CTCFL: variants seen among roughly 807,000 people sequenced by gnomAD.
The protein encoded by CTCFL is transcriptional repressor CTCFL.
A neutral mutation model predicts 67.4 loss-of-function variants in CTCFL; 36 were observed. The ratio of observed to expected loss-of-function variants is 0.53; its 90% CI spans 0.41 to 0.71. The LOEUF (loss-of-function observed/expected upper bound fraction) is 0.71. CTCFL is among the 30% of genes least tolerant of loss of function. The pLI is 0.00. For missense variants in CTCFL, 786 were observed against 835.2 expected (o/e 0.94, Z 0.73); for synonymous variants, 324 against 302.3 (o/e 1.07, Z -0.75).
At chr20:57,519,485 T>C (rs1413100156) in intron 3 of CTCFL, 108 bp from the exon 4 acceptor site, 21 of 890,756 alleles carry the variant, frequency 2.4e-5, no homozygotes, top group Non-Finnish European at 3.4e-5. Flanking sequence ...AACTGAACAA[T>C]AGCACATGCT....
rs369644953 is a variant in CTCFL, at chr20:57,524,089, T to C, written c.117A>G (p.Lys39=). 1.2e-6 allele frequency: 2 copies of C among 1,613,672 alleles called. No individual in the cohort carries two copies. Among genetic ancestry groups the C allele is most frequent in the African/African-American group, 1.3e-5 (1 of 74,928 alleles). The change falls in exon 2 of 11, where the codon AAA becomes AAG. Residue 39 remains lysine (K), a synonymous_variant. Transcript: ENST00000243914. ...CCAACTCACTAGGGCTCCGATGGTCTTTCTCTCTGCACACTCCGTCTTTTT... is the reference window on the plus strand; with the variant it reads ...CCAACTCACTAGGGCTCCGATGGTCCTTCTCTCTGCACACTCCGTCTTTTT... ...EEEKDGVCRE[K]DHRSPSELEA...
intron 9 of CTCFL, chr20:57,507,691 C>T (rs998422356): frequency 2.7e-5 from 19 of 702,858 alleles, no homozygotes; most frequent in East Asian, 1.1e-4. Context: ...GTCCAGCCTT[C>T]GGATGATGCA....
intron 5 of CTCFL, among the ~76,000 whole-genome samples, chr20:57,517,574 G>A (rs1161005345): frequency 1.3e-5 from 2 of 151,976 alleles, no homozygotes; most frequent in South Asian, 2.1e-4. Flanking sequence ...CACCGCGCCC[G>A]GCCAATTCAA....
chr20:57,506,292 A>G (rs1311756609), intron 9 of CTCFL, among the ~76,000 whole-genome samples: 1 of 151,754 alleles, frequency 6.6e-6, no homozygotes, highest in African/African-American at 2.4e-5. Context: ...GTCTATTTAG[A>G]TACTTTAACT....
At chr20:57,511,094 T>G (rs1203243229) in intron 8 of CTCFL, among the ~76,000 whole-genome samples, 1 of 152,188 alleles carries the variant, frequency 6.6e-6, no homozygotes, top group African/African-American at 2.4e-5. Flanking sequence ...CGTGCTGGAG[T>G]GCAGTGGTAT....
chr20:57,519,454 C>T (rs779094696), intron 3 of CTCFL, 77 bp from the exon 4 acceptor site: 160 of 1,329,708 alleles, frequency 1.2e-4, no homozygotes, highest in Non-Finnish European at 1.5e-4. Context: ...ATCAGCACAT[C>T]GTCCTTTCAA....
chr20:57,523,536 T>G (rs2069560039), intron 2 of CTCFL, 127 bp downstream of exon 2: 1 of 1,320,612 alleles, frequency 7.6e-7, no homozygotes, highest in Non-Finnish European at 1.0e-6. Context: ...AAGATTTTCC[T>G]GGGAAGTATT....
At chr20:57,519,560 T>C (rs1344279391) in intron 3 of CTCFL, among the ~76,000 whole-genome samples, 183 bp from the exon 4 acceptor site, 2 of 152,182 alleles carry the variant, frequency 1.3e-5, no homozygotes, top group Non-Finnish European at 2.9e-5. Flanking sequence ...GAACAATGCA[T>C]TTTCGCTGTT....
chr20:57,512,723 T>C lies in CTCFL; in HGVS notation c.1360A>G (p.Ser454Gly). ...TAGCGGCATTTCAGCTCTGCAGCGCTGTAAGCATGCAAGTTGCGCATATGC... is the reference window on the plus strand; with the variant it reads ...TAGCGGCATTTCAGCTCTGCAGCGCCGTAAGCATGCAAGTTGCGCATATGC... ...RVHMRNLHAYSAAELKCRYCS... is the reference protein window; with the variant it reads ...RVHMRNLHAYGAAELKCRYCS... The change falls in exon 8 of 11, where the codon AGC becomes GGC. Residue 454 changes from serine (S) to glycine (G), a missense_variant. By Grantham distance (56) the Ser-to-Gly change is moderately conservative. Transcript: ENST00000243914. 2 of 1,614,248 alleles carry C rather than the reference T, an allele frequency of 1.2e-6. No homozygotes were observed. The highest frequency in any genetic ancestry group is 1.7e-6 in the Non-Finnish European group (2 of 1,180,032).
At chr20:57,507,655 T>A in intron 9 of CTCFL, 1 of 703,002 alleles carries the variant, frequency 1.4e-6, no homozygotes, top group Non-Finnish European at 2.6e-6. Flanking sequence ...GGCGGAGCTG[T>A]CCTGGAAGTG....
intron 5 of CTCFL, among the ~76,000 whole-genome samples, chr20:57,516,170 T>TA (rs2068905564): frequency 7.7e-6 from 1 of 130,398 alleles, no homozygotes; most frequent in Non-Finnish European, 1.8e-5. Context: ...GCTCAATAGT[T>TA]ACAAAATTTA....
At chr20:57,503,872 C>T (rs958192655) in intron 9 of CTCFL, among the ~76,000 whole-genome samples, 8 of 150,908 alleles carry the variant, frequency 5.3e-5, no homozygotes, top group African/African-American at 9.8e-5. Flanking sequence ...GCTTTAGCCC[C>T]GGAGGTCGAG....
At chr20:57,513,149 G>A in intron 7 of CTCFL, 2 of 644,248 alleles carry the variant, frequency 3.1e-6, no homozygotes, top group Non-Finnish European at 1.9e-6. Flanking sequence ...ATTGAACAAA[G>A]CACTTTGAGA....
chr20:57,501,100 T>G (rs1036939750), intron 10 of CTCFL, among the ~76,000 whole-genome samples: 7 of 152,192 alleles, frequency 4.6e-5, no homozygotes, highest in African/African-American at 1.7e-4. Flanking sequence ...GTGCTTACTA[T>G]TCACTCGTTT....
Position 57,524,205 on chromosome 20 carries a change from TAATG to T in CTCFL, c.-4_-1del, listed in dbSNP as rs762526108. On this transcript the variant is annotated 5_prime_UTR_variant, in exon 2 of 11. Transcript: ENST00000243914. Reference sequence around the variant, plus strand: ...AGGACAGAGATCTCAGTGGCTGCCATAATGACTTGGCCTGTTTGAAAAATAAGCA... The same window carrying T: ...AGGACAGAGATCTCAGTGGCTGCCATACTTGGCCTGTTTGAAAAATAAGCA... The T allele has an allele frequency of 6.2e-7, 1 of 1,611,426 alleles. No homozygotes were observed. The highest frequency in any genetic ancestry group is 1.1e-5 in the South Asian group (1 of 90,934).
In CTCFL at chr20:57,508,704, T is replaced by C; in HGVS notation, c.1576A>G (p.Lys526Glu). ...CLSCNKCFRQ[K>E]QLLNAHFRKY... is the part of the protein sequence containing the mutation. Reference sequence around the variant, plus strand: ...CTGAAGTGAGCGTTTAGAAGTTGCTTCTGTCGGAAACATTTATTGCAAGAA... The same window carrying C: ...CTGAAGTGAGCGTTTAGAAGTTGCTCCTGTCGGAAACATTTATTGCAAGAA... Residue 526 changes from lysine (K) to glutamate (E), a missense_variant, in exon 9 of 11, where the codon AAG becomes GAG. Lys to Glu is a moderately conservative substitution (Grantham distance 56). Transcript: ENST00000243914. The C allele has an allele frequency of 6.2e-7, 1 of 1,614,186 alleles. No individual in the cohort carries two copies. The highest frequency in any genetic ancestry group is 8.5e-7 in the Non-Finnish European group (1 of 1,180,026).
Position 57,515,763 on chromosome 20 carries a change from A to G in CTCFL, c.1131T>C (p.Tyr377=), listed in dbSNP as rs1372160538. 6.2e-7 allele frequency: 1 copy of G among 1,614,204 alleles called. No homozygotes were observed. Among genetic ancestry groups the G allele is most frequent in the South Asian group, 1.1e-5 (1 of 91,078 alleles). Residue 377 remains tyrosine (Y), a synonymous_variant, in exon 6 of 11, where the codon TAT becomes TAC. Coordinates refer to ENST00000243914, the MANE Select transcript of CTCFL (RefSeq NM_001386993.1). ...ERPFQCCQCS[Y]ASRDTYKLKR... ...TCAGCTTGTAGGTATCTCTGCTGGC[A>G]TAGCTGCACTGGCAACACTGAAAGG...
Position 57,509,284 on chromosome 20 carries a change from ATTT to A in CTCFL, c.1492-499_1492-497del, listed in dbSNP as rs370517858. Among the ~76,000 whole-genome samples, 874 of 134,626 alleles carry A rather than the reference ATTT, an allele frequency of 6.5e-3. 10 individuals are homozygous for A. Among genetic ancestry groups the A allele is most frequent in the African/African-American group, 0.022 (787 of 36,448 alleles). 88.3% of individuals were successfully genotyped at this position (134,626 alleles called of 152,430 possible). A position where few individuals can be genotyped will look rare whatever the true frequency, so the allele number is the denominator to read the frequency against. On this transcript the variant is annotated intron_variant, in intron 8 of 10. Coordinates refer to ENST00000243914, the MANE Select transcript of CTCFL (RefSeq NM_001386993.1). ...AGTATCGTAACAGATCTTAATACCG[ATTT>A]TTTTTTTTTTTTTTTTGAGACAGGG...
rs1171191015 is a variant in CTCFL at position 57,523,741 on chromosome 20, A to G, written c.465T>C (p.Ala155=). The G allele has an allele frequency of 1.9e-6, 3 of 1,613,178 alleles. No homozygotes were observed. The highest frequency in any genetic ancestry group is 2.5e-6 in the Non-Finnish European group (3 of 1,180,034). ...TGGCCACCATCACATTCTCCTCTAGAGCGTGGAACTGCAACACCTCCATCT... is the reference window on the plus strand; with the variant it reads ...TGGCCACCATCACATTCTCCTCTAGGGCGTGGAACTGCAACACCTCCATCT... ...PQEMEVLQFH[A]LEENVMVASE... The change falls in exon 2 of 11, where the codon GCT becomes GCC. Residue 155 remains alanine (A), a synonymous_variant. Coordinates refer to ENST00000243914, the MANE Select transcript of CTCFL (RefSeq NM_001386993.1).
Sources: allele counts gnomAD v4.1 joint callset (sites outside exome capture counted in the v4.1 genomes callset), GRCh38; gene constraint gnomAD v4.1.1; transcripts MANE v1.5; gene names NCBI Gene and HGNC (gene_info 2026-07-23, HGNC 2026-07-21).